Variants in TMCO4 observed in about 807,000 individuals in gnomAD.
TMCO4 encodes the protein transmembrane and coiled-coil domain-containing protein 4.
A neutral mutation model predicts 64.7 loss-of-function variants in TMCO4; 58 were observed. That is an observed-to-expected ratio of 0.90 (90% confidence interval 0.73 to 1.12). The LOEUF (loss-of-function observed/expected upper bound fraction) is 1.12. TMCO4 is among the 50% of genes most tolerant of loss of function. The pLI is 0.00. For missense variants in TMCO4, 780 were observed against 825.9 expected, an observed-to-expected ratio of 0.94 and a Z score of 0.68; for synonymous variants, 325 against 346.1, an observed-to-expected ratio of 0.94 and a Z score of 0.68.
At chr1:19,770,669 G>A (rs2042939960) in intron 5 of TMCO4, 100 bp from the exon 6 acceptor site, 2 of 1,251,650 alleles carry the variant, frequency 1.6e-6, no homozygotes, top group Admixed American at 2.3e-5. Flanking sequence ...GAACAAGACA[G>A]ACAAAAAGCC....
At chr1:19,708,756 T>C (rs1570704531) in intron 13 of TMCO4, among the ~76,000 whole-genome samples, 1 of 152,068 alleles carries the variant, frequency 6.6e-6, no homozygotes. Flanking sequence ...ATCAAACAGC[T>C]GGGAAGGCAG....
At chr1:19,786,132 C>A (rs1323279482) in intron 3 of TMCO4, among the ~76,000 whole-genome samples, 1 of 152,136 alleles carries the variant, frequency 6.6e-6, no homozygotes, top group Non-Finnish European at 1.5e-5. Context: ...CCTGTGGTCC[C>A]AGCTACTCAA....
At chr1:19,735,445 C>T (rs909955192) in intron 13 of TMCO4, among the ~76,000 whole-genome samples, 1 of 152,142 alleles carries the variant, frequency 6.6e-6, no homozygotes, top group Non-Finnish European at 1.5e-5. Flanking sequence ...CCATGAGGAT[C>T]CAGGGGTGGG....
At chr1:19,772,957 G>A (rs1166258457) in intron 4 of TMCO4, among the ~76,000 whole-genome samples, 1 of 152,144 alleles carries the variant, frequency 6.6e-6, no homozygotes, top group Non-Finnish European at 1.5e-5. Flanking sequence ...TGAGAAGTGG[G>A]GCTGGGTGGA....
chr1:19,718,886 TC>T (rs1233435994), intron 13 of TMCO4, among the ~76,000 whole-genome samples: 1 of 152,022 alleles, frequency 6.6e-6, no homozygotes, highest in East Asian at 1.9e-4. Flanking sequence ...AAATCATGCT[TC>T]CCATTGCTCC....
intron 10 of TMCO4, among the ~76,000 whole-genome samples, chr1:19,744,933 T>TACAC (rs1385732330): frequency 6.6e-6 from 1 of 152,076 alleles, no homozygotes; most frequent in East Asian, 1.9e-4. Context: ...CCTGGTTCAG[T>TACAC]ATATGACACA....
intron 7 of TMCO4, among the ~76,000 whole-genome samples, chr1:19,747,975 T>C (rs1030124185): frequency 6.6e-6 from 1 of 152,164 alleles, no homozygotes; most frequent in Non-Finnish European, 1.5e-5. Flanking sequence ...AATAACTCAG[T>C]GTGGAGTGAT....
intron 13 of TMCO4, among the ~76,000 whole-genome samples, chr1:19,726,570 C>T (rs897695963): frequency 6.6e-6 from 1 of 152,098 alleles, no homozygotes; most frequent in African/African-American, 2.4e-5. Flanking sequence ...CCTTAGTTTC[C>T]TCATCTGTAA....
At chr1:19,744,372 C>T (rs557024534) in intron 10 of TMCO4, among the ~76,000 whole-genome samples, 26 of 152,262 alleles carry the variant, frequency 1.7e-4, no homozygotes, top group African/African-American at 6.0e-4. Context: ...CGAGAAACCA[C>T]GTGATGTTCC....
chr1:19,778,817 G>T (rs549243603), intron 4 of TMCO4, among the ~76,000 whole-genome samples: 8 of 152,280 alleles, frequency 5.3e-5, no homozygotes, highest in Non-Finnish European at 1.2e-4. Flanking sequence ...GCTATACTGA[G>T]CTGTGTGCAA....
intron 13 of TMCO4, among the ~76,000 whole-genome samples, chr1:19,723,949 A>G (rs991682785): frequency 6.6e-6 from 1 of 152,214 alleles, no homozygotes; most frequent in Non-Finnish European, 1.5e-5. Context: ...GACAACCCAC[A>G]TTCAAGGTGA....
chr1:19,692,287 G>T (rs6668463), intron 15 of TMCO4, among the ~76,000 whole-genome samples: 122,092 of 152,056 alleles, frequency 0.8, 49,242 homozygotes, highest in African/African-American at 0.85. Flanking sequence ...TCTCCCACTG[G>T]TTCTCATATC....
At chr1:19,705,168 T>C (rs937495753) in intron 13 of TMCO4, among the ~76,000 whole-genome samples, 8 of 152,064 alleles carry the variant, frequency 5.3e-5, no homozygotes, top group Admixed American at 2.0e-4. Context: ...ACACTAACAC[T>C]AGGCGGGCAC....
At chr1:19,718,994 G>A (rs1028124900) in intron 13 of TMCO4, among the ~76,000 whole-genome samples, 1 of 152,066 alleles carries the variant, frequency 6.6e-6, no homozygotes, top group Non-Finnish European at 1.5e-5. Context: ...CTTGAGACTC[G>A]CCACCTAGTT....
intron 6 of TMCO4, among the ~76,000 whole-genome samples, chr1:19,761,443 C>T (rs1407946316): frequency 6.6e-6 from 1 of 152,252 alleles, no homozygotes; most frequent in African/African-American, 2.4e-5. Context: ...CTTTTGGATC[C>T]TGCCGGAAGG....
rs1206367534 is a variant in TMCO4, at chr1:19,745,551, C to A, written c.858G>T (p.Trp286Cys). The A allele has an allele frequency of 6.2e-7, 1 of 1,614,154 alleles. No homozygotes were observed. Residue 286 changes from tryptophan (W) to cysteine (C), a missense_variant, in exon 10 of 16, where the codon TGG becomes TGT. By Grantham distance (215) the Trp-to-Cys change is radical. Coordinates refer to ENST00000294543, the MANE Select transcript of TMCO4 (RefSeq NM_181719.7). ...CCTCACGGTATTTGCCAGAAGCGAG[C>A]CACCCCGTGACGGCGATGGTGATGT... is the stretch of plus-strand genomic sequence containing the variant. Reference protein sequence around the residue: ...QLHITIAVTGWLASGKYRTFS... With the variant: ...QLHITIAVTGCLASGKYRTFS...
At chr1:19,723,226 C>T (rs932248089) in intron 13 of TMCO4, among the ~76,000 whole-genome samples, 2 of 152,326 alleles carry the variant, frequency 1.3e-5, no homozygotes, top group Middle Eastern at 3.4e-3. Flanking sequence ...TGAGCATTTC[C>T]TCGGAGTATC....
intron 14 of TMCO4, 70 bp from the exon 15 acceptor site, chr1:19,694,621 G>C: frequency 4.8e-6 from 7 of 1,456,122 alleles, no homozygotes; most frequent in Non-Finnish European, 6.7e-6. Context: ...GGACGGGCCA[G>C]GCTGCCTCCT....
At chr1:19,768,903 A>G (rs2042861912) in intron 6 of TMCO4, among the ~76,000 whole-genome samples, 1 of 152,186 alleles carries the variant, frequency 6.6e-6, no homozygotes, top group African/African-American at 2.4e-5. Flanking sequence ...GAGAGTAGCA[A>G]GGGCTTAGAG....
Sources: allele counts gnomAD v4.1 joint callset (sites outside exome capture counted in the v4.1 genomes callset), GRCh38; gene constraint gnomAD v4.1.1; transcripts MANE v1.5; gene names NCBI Gene and HGNC (gene_info 2026-07-23, HGNC 2026-07-21).